The following COBL variants were observed in gnomAD, a reference collection of about 807,000 sequenced individuals.
COBL encodes the protein cordon-bleu WH2 repeat protein.
A neutral mutation model predicts 98.8 loss-of-function variants in COBL; 51 were observed. The ratio of observed to expected loss-of-function variants is 0.52; its 90% CI spans 0.41 to 0.65. The LOEUF (loss-of-function observed/expected upper bound fraction) is 0.65. Ranked by LOEUF, COBL falls within the 30% of genes least tolerant of loss-of-function variation. The pLI is 0.00. For missense variants in COBL, 1,617 were observed against 1,617.5 expected, an observed-to-expected ratio of 1.00 and a Z score of 0.01; for synonymous variants, 634 against 651.7, an observed-to-expected ratio of 0.97 and a Z score of 0.41.
intron 7 of COBL, among the ~76,000 whole-genome samples, chr7:51,055,254 C>A (rs1047317748): frequency 1.3e-5 from 2 of 152,166 alleles, no homozygotes; most frequent in African/African-American, 4.8e-5. Context: ...GCCCACGCTA[C>A]TGCCACTCTT....
Position 51,028,455 on chromosome 7 carries a change from C to T in COBL, c.2641G>A (p.Val881Ile). The T allele has an allele frequency of 6.2e-7, 1 of 1,614,276 alleles. No homozygotes were observed. Among genetic ancestry groups the T allele is most frequent in the Non-Finnish European group, 8.5e-7 (1 of 1,180,054 alleles). The change falls in exon 10 of 13, where the codon GTC becomes ATC. Residue 881 changes from valine to isoleucine, a missense_variant. This residue lies in a region of COBL where 1,304 missense variants were observed against 1,282.0 expected (regional missense o/e 1.02). Transcript: ENST00000265136. Reference sequence around the variant, plus strand: ...TGTGGCCTCACCACATCAGCATGGACTTTTGGGGCTCCTATGCGCTTGGCA... The same window carrying T: ...TGTGGCCTCACCACATCAGCATGGATTTTTGGGGCTCCTATGCGCTTGGCA... Reference protein sequence around the residue: ...AIAKRIGAPKVHADVVRPHGY... With the variant: ...AIAKRIGAPKIHADVVRPHGY...
At chr7:51,216,784 T>C (rs1429500498) in intron 2 of COBL, among the ~76,000 whole-genome samples, 1 of 152,228 alleles carries the variant, frequency 6.6e-6, no homozygotes, top group Non-Finnish European at 1.5e-5. Context: ...AGGGGCTGAC[T>C]ATAAATTACA....
At chr7:51,039,308 C>T (rs1013312835) in intron 8 of COBL, among the ~76,000 whole-genome samples, 1 of 152,244 alleles carries the variant, frequency 6.6e-6, no homozygotes, top group African/African-American at 2.4e-5. Context: ...GTTAGGGCCA[C>T]ATCCCTGTGA....
intron 1 of COBL, among the ~76,000 whole-genome samples, chr7:51,285,477 T>C (rs1284458952): frequency 6.6e-6 from 1 of 151,902 alleles, no homozygotes; most frequent in African/African-American, 2.4e-5. Flanking sequence ...TATATTTCTA[T>C]ACTAACAATC....
intron 5 of COBL, chr7:51,156,175 T>A: frequency 1.0e-6 from 1 of 984,640 alleles, no homozygotes; most frequent in Non-Finnish European, 1.2e-6. Flanking sequence ...ATTTTTGTAG[T>A]TCAACCAAAA....
Position 51,028,416 on chromosome 7 carries a change from T to G in COBL, c.2680A>C (p.Lys894Gln). The change falls in exon 10 of 13, where the codon AAG (lysine) becomes CAG (glutamine). Residue 894 changes from lysine to glutamine, a missense_variant. Transcript: ENST00000265136. ...ACTGGCGCCTTGCCTGCATAACCCT[T>G]CTCGGCATAACCGTGTGGCCTCACC... ...DVVRPHGYAE[K>Q]GYAGKAPVLA... 1 of 1,614,240 alleles carries G rather than the reference T, an allele frequency of 6.2e-7. No individual in the cohort carries two copies. The highest frequency in any genetic ancestry group is 8.5e-7 in the Non-Finnish European group (1 of 1,180,040).
intron 5 of COBL, among the ~76,000 whole-genome samples, chr7:51,142,006 G>A (rs1473662587): frequency 6.6e-6 from 1 of 152,160 alleles, no homozygotes; most frequent in African/African-American, 2.4e-5. Flanking sequence ...GAATCCCTGA[G>A]CCAAATCCTG....
intron 5 of COBL, among the ~76,000 whole-genome samples, chr7:51,150,083 T>G (rs974313969): frequency 6.6e-6 from 1 of 152,100 alleles, no homozygotes; most frequent in Non-Finnish European, 1.5e-5. Flanking sequence ...AAGTCTCCCT[T>G]CCACAGAAAA....
At chr7:51,148,300 C>T (rs1306005031) in intron 5 of COBL, among the ~76,000 whole-genome samples, 1 of 152,172 alleles carries the variant, frequency 6.6e-6, no homozygotes, top group African/African-American at 2.4e-5. Flanking sequence ...TCTTCCCTCG[C>T]TTTGTCTTTC....
In COBL at chr7:51,267,525, G is replaced by A. The variant is rs187976192; in HGVS notation, c.42-47581C>T. Among the ~76,000 whole-genome samples the A allele has an allele frequency of 2.0e-3, 311 of 151,946 alleles. 2 individuals are homozygous for A. The highest frequency in any genetic ancestry group is 6.9e-3 in the Middle Eastern group (2 of 290). Reference sequence around the variant, plus strand: ...AGTATATTGAGAGTATATTATACATGTTACTAGTATATTGAGAACATTACA... The same window carrying A: ...AGTATATTGAGAGTATATTATACATATTACTAGTATATTGAGAACATTACA... On this transcript the variant is annotated intron_variant, in intron 1 of 12. Coordinates refer to ENST00000265136, the MANE Select transcript of COBL (RefSeq NM_015198.5).
In COBL at chr7:51,028,879, C is replaced by T; in HGVS notation, c.2217G>A (p.Leu739=). The T allele has an allele frequency of 1.2e-6, 2 of 1,614,182 alleles. No homozygotes were observed. The highest frequency in any genetic ancestry group is 1.1e-5 in the South Asian group (1 of 91,086). ...TGATGCCGGTGGCGTGAGGACTCAC[C>T]AAGTTCCCCAGCTCGTCAATCTTAA... ...GAIKIDELGN[L]VSPHATGIRI... The change falls in exon 10 of 13, where the codon TTG becomes TTA. Residue 739 remains leucine (L), a synonymous_variant. Transcript: ENST00000265136.
At chr7:51,091,819 A>G (rs921902783) in intron 6 of COBL, among the ~76,000 whole-genome samples, 2 of 152,206 alleles carry the variant, frequency 1.3e-5, no homozygotes, top group African/African-American at 4.8e-5. Context: ...TTATAATATT[A>G]TCAGTAGGTT....
At chr7:51,225,486 C>G (rs148901361) in intron 1 of COBL, among the ~76,000 whole-genome samples, 3 of 152,302 alleles carry the variant, frequency 2.0e-5, no homozygotes, top group Non-Finnish European at 4.4e-5. Flanking sequence ...CCTCTCACCC[C>G]CTCCAGTAGG....
chr7:51,286,398 A>T (rs1365239938), intron 1 of COBL, among the ~76,000 whole-genome samples: 2 of 151,724 alleles, frequency 1.3e-5, no homozygotes, highest in African/African-American at 4.8e-5. Context: ...AGAAACTTCA[A>T]GTAACTAAAA....
At chr7:51,144,539 T>C (rs1784848694) in intron 5 of COBL, among the ~76,000 whole-genome samples, 1 of 152,214 alleles carries the variant, frequency 6.6e-6, no homozygotes, top group Non-Finnish European at 1.5e-5. Flanking sequence ...TAACAAAATG[T>C]GTGTAATAAC....
At chr7:51,067,893 G>C (rs1034509274) in intron 7 of COBL, among the ~76,000 whole-genome samples, 2 of 152,232 alleles carry the variant, frequency 1.3e-5, no homozygotes, top group Non-Finnish European at 2.9e-5. Flanking sequence ...AGTCATCCAA[G>C]AATCTCTTGT....
rs371534000 is a variant in COBL at position 51,283,946 on chromosome 7, T to A, written c.41+32647A>T. The stretch of plus-strand genomic sequence containing the variant: ...GAAAACTATACACAAATATCTCTCA[T>A]GAATACAGATGCAAAATTCCTCAAA... On this transcript the variant is annotated intron_variant, in intron 1 of 12. Transcript: ENST00000265136. 8.6e-5 allele frequency among the ~76,000 whole-genome samples: 13 copies of A among 152,010 alleles called. No individual in the cohort carries two copies. In the East Asian group the frequency reaches 1.2e-3, roughly 14 times the overall value.
intron 5 of COBL, among the ~76,000 whole-genome samples, chr7:51,138,076 T>C (rs1193980134): frequency 5.3e-5 from 8 of 152,186 alleles, no homozygotes; most frequent in African/African-American, 1.7e-4. Flanking sequence ...AAGCACTCCA[T>C]GAAGGCTGCT....
At chr7:51,087,252 T>C (rs753648311) in intron 6 of COBL, among the ~76,000 whole-genome samples, 23 of 152,180 alleles carry the variant, frequency 1.5e-4, no homozygotes, top group Middle Eastern at 3.2e-3. Context: ...TATATTTAGT[T>C]ATAGTAGATA....
Sources: allele counts gnomAD v4.1 joint callset (sites outside exome capture counted in the v4.1 genomes callset), GRCh38; gene constraint gnomAD v4.1.1; regional missense constraint gnomAD v4.1.1; transcripts MANE v1.5; gene names NCBI Gene and HGNC (gene_info 2026-07-23, HGNC 2026-07-21).